MROH7: variants seen among roughly 807,000 people sequenced by gnomAD.
MROH7 encodes the protein maestro heat-like repeat-containing protein family member 7.
MROH7 carries 113 observed loss-of-function variants against 129.2 expected under a neutral mutation model. The observed-to-expected ratio is 0.87, with a 90% CI of 0.75 to 1.02. The LOEUF (loss-of-function observed/expected upper bound fraction) is 1.02. Ranked by LOEUF, MROH7 falls within the 50% of genes least tolerant of loss-of-function variation. The pLI, the probability that MROH7 is intolerant of heterozygous loss-of-function variation, is 0.00. For missense variants in MROH7, 1,601 were observed against 1,671.3 expected, an observed-to-expected ratio of 0.96 and a Z score of 0.73; for synonymous variants, 655 against 667.9, an observed-to-expected ratio of 0.98 and a Z score of 0.30.
chr1:54,670,475 C>G (rs200883893), intron 5 of MROH7, 22 bp from the exon 6 acceptor site: 29 of 1,611,110 alleles, frequency 1.8e-5, no homozygotes, highest in Non-Finnish European at 2.4e-5. Flanking sequence ...CCTCATCGGC[C>G]CTTCTGTGGC....
chr1:54,670,745 A>G (rs2101107835), intron 6 of MROH7, 55 bp from the exon 7 acceptor site: 1 of 1,586,412 alleles, frequency 6.3e-7, no homozygotes, highest in Middle Eastern at 1.7e-4. Flanking sequence ...GCCCCCGTCT[A>G]TAGCCATAGG....
At chr1:54,694,782 C>G (rs563081400) in intron 16 of MROH7, among the ~76,000 whole-genome samples, 25 of 152,290 alleles carry the variant, frequency 1.6e-4, no homozygotes, top group Admixed American at 9.8e-4. Context: ...TCACTTCTAA[C>G]AAGCTCCCAG....
intron 22 of MROH7, among the ~76,000 whole-genome samples, chr1:54,708,441 C>CAAACAAACA (rs577058388): frequency 6.6e-6 from 1 of 151,804 alleles, no homozygotes; most frequent in African/African-American, 2.4e-5. Flanking sequence ...AACAAACAAA[C>CAAACAAACA]AATAGTGAGG....
At chr1:54,663,701 AC>A (rs138066572) in intron 3 of MROH7, 80,222 of 363,782 alleles carry the variant, frequency 0.22, 5,347 homozygotes, top group East Asian at 0.43. Context: ...AAAAAAAAAA[AC>A]AAAAAAAAAA....
intron 3 of MROH7, among the ~76,000 whole-genome samples, chr1:54,664,261 C>T (rs1248393811): frequency 1.3e-5 from 2 of 152,210 alleles, no homozygotes; most frequent in African/African-American, 2.4e-5. Flanking sequence ...AGATTGGGGG[C>T]TGACAGAACA....
In MROH7 at chr1:54,653,285, G is replaced by A. The variant is rs531104510; in HGVS notation, c.359G>A (p.Arg120His). Reference sequence around the variant, plus strand: ...GTCTCAAGGCCTGACTCACAGGGGCGCCTCTGTCCAGCCTCAAACCCCATT... The same window carrying A: ...GTCTCAAGGCCTGACTCACAGGGGCACCTCTGTCCAGCCTCAAACCCCATT... ...KDVSRPDSQGRLCPASNPILS... is the reference protein window; with the variant it reads ...KDVSRPDSQGHLCPASNPILS... The change falls in exon 3 of 24, where the codon CGC (arginine) becomes CAC (histidine). Residue 120 changes from arginine to histidine, a missense_variant. Coordinates refer to ENST00000421030, the MANE Select transcript of MROH7 (RefSeq NM_001039464.4). 8.2e-5 allele frequency: 133 copies of A among 1,614,104 alleles called. 1 individual carries two copies. In the South Asian group the frequency reaches 1.2e-3, roughly 14 times the overall value.
chr1:54,706,456 G>A lies in MROH7; in HGVS notation c.3586G>A (p.Ala1196Thr), dbSNP rs11807983. The change falls in exon 22 of 24, where the codon GCC becomes ACC. Residue 1196 changes from alanine to threonine, a missense_variant. Coordinates refer to ENST00000421030, the MANE Select transcript of MROH7 (RefSeq NM_001039464.4). ...CTAGGTGAACACCCACCGAGACAGC[G>A]CCTTCATATTCCTCAGCCAGAGCCT... is the stretch of plus-strand genomic sequence containing the variant. ...KCLVNTHRDS[A>T]FIFLSQSLEY... 2.1e-3 allele frequency: 3,353 copies of A among 1,613,536 alleles called. 72 individuals are homozygous for A. The African/African-American group carries it at 0.04, about 19-fold the overall frequency.
In MROH7 at chr1:54,673,704, C is replaced by T. The variant is rs1236116587; in HGVS notation, c.1699C>T (p.Leu567=). ...AGTCTTGCTTTTGATCCCACAGGCC[C>T]TGGGGCCTTGGATGAACTCTGGGAA... ...PAGLKSILEA[L]GPWMNSGKAH... Residue 567 remains leucine (L), a synonymous_variant, in exon 9 of 24, where the codon CTG becomes TTG. Transcript: ENST00000421030. 1 of 1,613,502 alleles carries T rather than the reference C, an allele frequency of 6.2e-7. No individual in the cohort carries two copies. Among genetic ancestry groups the T allele is most frequent in the Non-Finnish European group, 8.5e-7 (1 of 1,179,520 alleles).
intron 3 of MROH7, among the ~76,000 whole-genome samples, chr1:54,660,589 G>A (rs940946859): frequency 1.3e-5 from 2 of 152,178 alleles, no homozygotes; most frequent in Non-Finnish European, 2.9e-5. Flanking sequence ...TGAGGCAGGC[G>A]GATCACCTGA....
Position 54,682,683 on chromosome 1 carries a change from G to A in MROH7, c.2409G>A (p.Leu803=). 6.2e-7 allele frequency: 1 copy of A among 1,613,986 alleles called. No individual in the cohort carries two copies. The highest frequency in any genetic ancestry group is 1.3e-5 in the African/African-American group (1 of 75,048). The change falls in exon 14 of 24, where the codon CTG becomes CTA. Residue 803 remains leucine, a synonymous_variant. Transcript: ENST00000421030. Reference sequence around the variant, plus strand: ...ATGGAGCAGAGATGTGGAGGCAGCTGATACTGTGTAAGCCCAGCTGTGATG... The same window carrying A: ...ATGGAGCAGAGATGTGGAGGCAGCTAATACTGTGTAAGCCCAGCTGTGATG... ...NSNGAEMWRQ[L]ILCKPSCDVR... is the part of the protein sequence containing the mutation.
chr1:54,674,395 C>T (rs1644950874), intron 10 of MROH7, among the ~76,000 whole-genome samples: 1 of 152,112 alleles, frequency 6.6e-6, no homozygotes, highest in Non-Finnish European at 1.5e-5. Flanking sequence ...TCCTTCCAAG[C>T]TTAGTTTGTG....
intron 5 of MROH7, 120 bp downstream of exon 5, chr1:54,669,057 G>A (rs762190062): frequency 3.2e-5 from 22 of 689,696 alleles, no homozygotes; most frequent in Non-Finnish European, 5.5e-5. Flanking sequence ...GGGATGAGGA[G>A]GCAGGACATC....
intron 16 of MROH7, among the ~76,000 whole-genome samples, 189 bp from the exon 17 acceptor site, chr1:54,695,184 TTTC>T (rs1355092521): frequency 6.6e-6 from 1 of 152,190 alleles, no homozygotes; most frequent in Non-Finnish European, 1.5e-5. Flanking sequence ...TGGGCTTCAG[TTTC>T]TTCATCTGTA....
At chr1:54,701,789 A>G (rs1317332063) in intron 19 of MROH7, among the ~76,000 whole-genome samples, 1 of 151,634 alleles carries the variant, frequency 6.6e-6, no homozygotes, top group Admixed American at 6.6e-5. Flanking sequence ...GCTGGTCTTG[A>G]ACTCCTGGGA....
chr1:54,705,186 C>A (rs1022770739), intron 21 of MROH7, among the ~76,000 whole-genome samples: 8 of 152,214 alleles, frequency 5.3e-5, no homozygotes, highest in African/African-American at 1.9e-4. Flanking sequence ...CTACATTAGA[C>A]CCCTCTGGGT....
chr1:54,668,900 CAGA>C lies in MROH7; in HGVS notation c.1355_1357del (p.Glu452del), dbSNP rs775645169. 2.5e-6 allele frequency: 4 copies of C among 1,612,970 alleles called. No homozygotes were observed. Among genetic ancestry groups the C allele is most frequent in the African/African-American group, 2.7e-5 (2 of 74,626 alleles). ...CAGAAGAGCCAGGATCTGCTGGAGG[CAGA>C]AGGAGAAAAGAAGACCATGATAAAG... is the stretch of plus-strand genomic sequence containing the variant. On this transcript the variant is annotated inframe_deletion, in exon 5 of 24. Transcript: ENST00000421030.
intron 17 of MROH7, chr1:54,699,963 G>T (rs1380447878): frequency 1.6e-6 from 1 of 608,664 alleles, no homozygotes; most frequent in East Asian, 2.8e-5. Context: ...CACAGAAGGG[G>T]TGGAACAGCC....
rs184633477 is a variant in MROH7 at position 54,645,710 on chromosome 1, C to T, written c.-110+3742C>T. Among the ~76,000 whole-genome samples, 11 of 138,770 alleles carry T rather than the reference C, an allele frequency of 7.9e-5. No homozygotes were observed. In the East Asian group the frequency reaches 2.3e-3, roughly 29 times the overall value. The allele number at this position is 138,770 out of a possible 152,430, so 91.0% of individuals were successfully genotyped here. Reference sequence around the variant, plus strand: ...CCCTGTTGTCCGGGCTGGAGTGCAACAGCAAAATCTTGGCTCACCGCAGGC... The same window carrying T: ...CCCTGTTGTCCGGGCTGGAGTGCAATAGCAAAATCTTGGCTCACCGCAGGC... On this transcript the variant is annotated intron_variant, in intron 1 of 23. Coordinates refer to ENST00000421030, the MANE Select transcript of MROH7 (RefSeq NM_001039464.4).
rs1356201456 is a variant in MROH7, at chr1:54,654,157, G to A, written c.1231G>A (p.Gly411Arg). The stretch of plus-strand genomic sequence containing the variant: ...CGTGACCTTGCAAGGCATCCCTGAG[G>A]GTAAGGCCAGGGCCGCAGCCCTAGA... The part of the protein sequence containing the change: ...DAVTLQGIPE[G>R]AFDEVTSCLV... The change falls in exon 3 of 24, where the codon GGA becomes AGA. Residue 411 changes from glycine to arginine, a missense_variant and splice_region_variant. By Grantham distance (125) the Gly-to-Arg change is moderately radical. Transcript: ENST00000421030. The A allele has an allele frequency of 1.2e-6, 2 of 1,603,748 alleles. No individual in the cohort carries two copies. The highest frequency in any genetic ancestry group is 1.7e-6 in the Non-Finnish European group (2 of 1,175,172).
Sources: allele counts gnomAD v4.1 joint callset (sites outside exome capture counted in the v4.1 genomes callset), GRCh38; gene constraint gnomAD v4.1.1; transcripts MANE v1.5; gene names NCBI Gene and HGNC (gene_info 2026-07-23, HGNC 2026-07-21).